Variants in ABCB5 observed in about 807,000 individuals in gnomAD.
ABCB5 encodes ATP-binding cassette sub-family B member 5.
A neutral mutation model predicts 144.2 loss-of-function variants in ABCB5; 155 were observed. That is an observed-to-expected ratio of 1.08 (90% CI 0.94 to 1.23). ABCB5 has a LOEUF of 1.23. Among genes scored for constraint, ABCB5 ranks in the 50% most tolerant of loss-of-function variants. The pLI, the probability that ABCB5 is intolerant of heterozygous loss-of-function variation, is 0.00. For synonymous variants in ABCB5, 610 were observed against 528.6 expected (o/e 1.15, Z -2.11); for missense variants, 1,830 against 1,520.8 (o/e 1.20, Z -3.38).
At chr7:20,745,493 C>CAT in intron 26 of ABCB5, 55 bp downstream of exon 26, 2 of 1,505,508 alleles carry the variant, frequency 1.3e-6, no homozygotes, top group Non-Finnish European at 1.8e-6. Flanking sequence ...GGCTAAGTAG[C>CAT]TACTGGGCCT....
chr7:20,694,338 A>G (rs1786335411), intron 16 of ABCB5, among the ~76,000 whole-genome samples: 1 of 152,034 alleles, frequency 6.6e-6, no homozygotes, highest in African/African-American at 2.4e-5. Context: ...AATTAATGTA[A>G]TTCTCCTAAT....
chr7:20,747,760 C>T (rs1782774053), intron 26 of ABCB5, among the ~76,000 whole-genome samples: 1 of 152,012 alleles, frequency 6.6e-6, no homozygotes, highest in Non-Finnish European at 1.5e-5. Flanking sequence ...CTTTAATTTA[C>T]CTTCATGTCA....
At chr7:20,649,489 C>A (rs73083791) in intron 11 of ABCB5, among the ~76,000 whole-genome samples, 2,611 of 152,242 alleles carry the variant, frequency 0.017, 35 homozygotes, top group Middle Eastern at 0.051. Flanking sequence ...CAACCCCAGT[C>A]ATTGAGAAAA....
At chr7:20,619,640 T>C (rs1021749125) in intron 1 of ABCB5, among the ~76,000 whole-genome samples, 1 of 152,134 alleles carries the variant, frequency 6.6e-6, no homozygotes, top group African/African-American at 2.4e-5. Flanking sequence ...ATGTGTTTAC[T>C]TTGTTGAAGT....
Position 20,651,515 on chromosome 7 carries a change from C to T in ABCB5, c.1428C>T (p.Thr476=), listed in dbSNP as rs1784587382. Residue 476 remains threonine (T), a synonymous_variant, in exon 13 of 28, where the codon ACC becomes ACT. Coordinates refer to ENST00000404938, the MANE Select transcript of ABCB5 (RefSeq NM_001163941.2). ...GTCAAGAGCCTGTTTTGTTCGGGAC[C>T]ACCATCAGTAACAATATCAAGTATG... ...VVSQEPVLFG[T]TISNNIKYGR... is the part of the protein sequence containing the mutation. The T allele has an allele frequency of 6.2e-7, 1 of 1,614,024 alleles. No homozygotes were observed. The highest frequency in any genetic ancestry group is 1.3e-5 in the African/African-American group (1 of 74,988).
At chr7:20,688,611 A>G (rs1427020915) in intron 16 of ABCB5, among the ~76,000 whole-genome samples, 1 of 152,198 alleles carries the variant, frequency 6.6e-6, no homozygotes, top group Non-Finnish European at 1.5e-5. Flanking sequence ...CAGCCATCCC[A>G]TTACTGGGTA....
At chr7:20,651,115 T>C (rs1207634302) in intron 12 of ABCB5, among the ~76,000 whole-genome samples, 22 of 152,202 alleles carry the variant, frequency 1.4e-4, no homozygotes, top group Non-Finnish European at 1.5e-5. Context: ...TGTGTCTACA[T>C]AATAACATTT....
At chr7:20,664,521 A>T (rs997256525) in intron 14 of ABCB5, among the ~76,000 whole-genome samples, 10 of 152,234 alleles carry the variant, frequency 6.6e-5, no homozygotes, top group African/African-American at 2.4e-4. Context: ...TTTGTAAATT[A>T]AAATTATTCC....
At chr7:20,748,505 C>T (rs1282824295) in intron 26 of ABCB5, among the ~76,000 whole-genome samples, 1 of 151,914 alleles carries the variant, frequency 6.6e-6, no homozygotes, top group Non-Finnish European at 1.5e-5. Flanking sequence ...CAAAAATTAG[C>T]TGGGCATGGT....
intron 20 of ABCB5, among the ~76,000 whole-genome samples, chr7:20,717,675 G>A (rs1236686510): frequency 6.6e-6 from 1 of 151,694 alleles, no homozygotes; most frequent in Non-Finnish European, 1.5e-5. Context: ...CTGACCTCAT[G>A]ATCTGCCCGC....
At position 20,699,864 on chromosome 7, in the gene ABCB5, G is replaced by A; in HGVS notation, c.2194G>A (p.Ala732Thr). ...TGATAAAACCACATTAAAGCATGAT[G>A]CAGAAATTTATTCCATGATATTCGT... The part of the protein sequence containing the change: ...NNDKTTLKHD[A>T]EIYSMIFVIL... The change falls in exon 18 of 28, where the codon GCA (alanine) becomes ACA (threonine). Residue 732 changes from alanine to threonine, a missense_variant. Physicochemically the swap from Ala to Thr is moderately conservative, Grantham distance 58. Coordinates refer to ENST00000404938, the MANE Select transcript of ABCB5 (RefSeq NM_001163941.2). 6.2e-7 allele frequency: 1 copy of A among 1,612,348 alleles called. No individual in the cohort carries two copies.
chr7:20,727,029 TG>T lies in ABCB5; in HGVS notation c.2626-10del. On this transcript the variant is annotated splice_polypyrimidine_tract_variant and intron_variant, in intron 21 of 27. Coordinates refer to ENST00000404938, the MANE Select transcript of ABCB5 (RefSeq NM_001163941.2). The stretch of plus-strand genomic sequence containing the variant: ...ATTTTATTTCTATATTGTATTGTCC[TG>T]TTTTATAAGATAGCAACTGAAGCTT... The T allele has an allele frequency of 1.3e-6, 2 of 1,587,262 alleles. No homozygotes were observed. Among genetic ancestry groups the T allele is most frequent in the Non-Finnish European group, 1.7e-6 (2 of 1,160,064 alleles).
intron 14 of ABCB5, among the ~76,000 whole-genome samples, chr7:20,670,552 G>C (rs1785432514): frequency 6.6e-6 from 1 of 152,156 alleles, no homozygotes; most frequent in Non-Finnish European, 1.5e-5. Flanking sequence ...CCATTCATAA[G>C]GGTGTGCTGT....
rs1355811439 is a variant in ABCB5, at chr7:20,681,664, C to T, written c.1867C>T (p.Gln623Ter). The T allele has an allele frequency of 1.2e-6, 2 of 1,613,522 alleles. No homozygotes were observed. The highest frequency in any genetic ancestry group is 1.7e-6 in the Non-Finnish European group (2 of 1,179,818). The change falls in exon 15 of 28, where the codon CAG becomes TAG. Residue 623 changes from glutamine to a stop codon, truncating the protein, a stop_gained and splice_region_variant. Coordinates refer to ENST00000404938, the MANE Select transcript of ABCB5 (RefSeq NM_001163941.2). LOFTEE classifies it high-confidence loss of function. ...TCTATATTATTCACTTGTGATGTCACAGGTAATGCTTATGTGACATAATGC... is the reference window on the plus strand; with the variant it reads ...TCTATATTATTCACTTGTGATGTCATAGGTAATGCTTATGTGACATAATGC... ...RGLYYSLVMS[Q>*]DIKKADEQME... is the part of the protein sequence containing the mutation.
At chr7:20,628,621 G>GTC in intron 3 of ABCB5, 67 bp from the exon 4 acceptor site, 1 of 1,518,622 alleles carries the variant, frequency 6.6e-7, no homozygotes, top group Non-Finnish European at 9.0e-7. Context: ...TGTTGTGTGT[G>GTC]TGTGTGTGTG....
chr7:20,619,950 T>C (rs1177284313), intron 1 of ABCB5, among the ~76,000 whole-genome samples: 3 of 152,210 alleles, frequency 2.0e-5, no homozygotes. Flanking sequence ...TTGTTTATTT[T>C]TGTTGACTTT....
chr7:20,638,908 T>C (rs1259115133), intron 5 of ABCB5, among the ~76,000 whole-genome samples: 1 of 151,880 alleles, frequency 6.6e-6, no homozygotes, highest in Admixed American at 6.6e-5. Flanking sequence ...ATGGTAAATT[T>C]AGGTTTGTCT....
At chr7:20,716,679 A>G (rs1021960142) in intron 20 of ABCB5, among the ~76,000 whole-genome samples, 2 of 152,172 alleles carry the variant, frequency 1.3e-5, no homozygotes, top group African/African-American at 4.8e-5. Flanking sequence ...TAAGGAGAGG[A>G]ATGGGCCTGG....
chr7:20,661,063 C>T (rs1311505035), intron 14 of ABCB5, among the ~76,000 whole-genome samples: 12 of 152,290 alleles, frequency 7.9e-5, no homozygotes, highest in African/African-American at 2.9e-4. Flanking sequence ...CAGCCCATGC[C>T]CACTTCAATC....
Sources: gnomAD v4.1 joint callset for allele counts (sites outside exome capture counted in the v4.1 genomes callset) on GRCh38, gnomAD v4.1.1 for gene constraint, MANE v1.5 for transcripts, NCBI Gene and HGNC (gene_info 2026-07-23, HGNC 2026-07-21) for gene names.